Variants in NDFIP2 observed in about 807,000 individuals in gnomAD.
The protein encoded by NDFIP2 is NEDD4 family-interacting protein 2.
Under a neutral mutation model 36.0 loss-of-function variants are expected in NDFIP2, and 19 were observed. The observed-to-expected ratio is 0.53, with a 90% confidence interval of 0.37 to 0.77. NDFIP2 has a LOEUF of 0.77. NDFIP2 is among the 30% of genes least tolerant of loss of function. NDFIP2 has a pLI of 0.00. For missense variants in NDFIP2, 446 were observed against 435.8 expected (o/e 1.02, Z -0.21); for synonymous variants, 181 against 167.7 (o/e 1.08, Z -0.61).
intron 1 of NDFIP2, among the ~76,000 whole-genome samples, chr13:79,516,696 C>T (rs772901928): frequency 6.6e-6 from 1 of 152,054 alleles, no homozygotes; most frequent in African/African-American, 2.4e-5. Context: ...TCCTGTAGGT[C>T]TAACCTACAT....
At chr13:79,537,660 T>G (rs546432818) in intron 3 of NDFIP2, among the ~76,000 whole-genome samples, 128 of 152,332 alleles carry the variant, frequency 8.4e-4, no homozygotes, top group African/African-American at 2.6e-3. Flanking sequence ...TTTGAAAGTT[T>G]TTTTATTTCA....
rs1875970345 is a variant in NDFIP2 at position 79,553,174 on chromosome 13, A to G, written c.*661A>G. The stretch of plus-strand genomic sequence containing the variant: ...TCACTAATTTTAAATTAAGTGAACT[A>G]AATATATATGTGTATATGTATACAC... On this transcript the variant is annotated 3_prime_UTR_variant, in exon 8 of 8. Transcript: ENST00000218652. The G allele has an allele frequency of 6.6e-6, 1 of 151,456 alleles. No homozygotes were observed. Among genetic ancestry groups the G allele is most frequent in the African/African-American group, 2.4e-5 (1 of 41,378 alleles). 9.4% of individuals were successfully genotyped at this position (151,456 alleles called of 1,614,324 possible). A position where few individuals can be genotyped will look rare whatever the true frequency, so the allele number is the denominator to read the frequency against.
chr13:79,550,217 A>G (rs1183108087), intron 6 of NDFIP2, among the ~76,000 whole-genome samples: 2 of 151,764 alleles, frequency 1.3e-5, no homozygotes, highest in Non-Finnish European at 3.0e-5. Flanking sequence ...AGTAATGGTA[A>G]TGTTTTATAC....
rs1263194432 is a variant in NDFIP2, at chr13:79,543,619, T to G, written c.777T>G (p.Ala259=). 3.1e-6 allele frequency: 5 copies of G among 1,614,048 alleles called. No individual in the cohort carries two copies. In the Admixed American group the frequency reaches 8.3e-5, roughly 27 times the overall value. Residue 259 remains alanine (A), a synonymous_variant, in exon 5 of 8, where the codon GCT becomes GCG. Coordinates refer to ENST00000218652, the MANE Select transcript of NDFIP2 (RefSeq NM_019080.3). ...CCTTCTGTATCACCAATACCATAGC[T>G]GGAAGGTATGGTGCTATCTGCGGAT... ...CLSFCITNTI[A]GRYGAICGFG...
At chr13:79,539,805 T>G in intron 4 of NDFIP2, 30 bp downstream of exon 4, 1 of 1,584,590 alleles carries the variant, frequency 6.3e-7, no homozygotes, top group Non-Finnish European at 8.7e-7. Context: ...TATTTTGGGT[T>G]GTTTTTATGA....
At chr13:79,545,550 A>C (rs955031458) in intron 5 of NDFIP2, among the ~76,000 whole-genome samples, 3 of 152,226 alleles carry the variant, frequency 2.0e-5, no homozygotes, top group African/African-American at 7.2e-5. Flanking sequence ...AAAGGACTTA[A>C]AAAAATCTTT....
At chr13:79,506,083 C>T (rs1198256163) in intron 1 of NDFIP2, among the ~76,000 whole-genome samples, 1 of 152,084 alleles carries the variant, frequency 6.6e-6, no homozygotes, top group African/African-American at 2.4e-5. Context: ...TTCCTTTAAG[C>T]ACAGATGGAA....
At chr13:79,517,138 C>G (rs1303597182) in intron 1 of NDFIP2, among the ~76,000 whole-genome samples, 1 of 152,086 alleles carries the variant, frequency 6.6e-6, no homozygotes, top group Non-Finnish European at 1.5e-5. Flanking sequence ...GGTTCATTCA[C>G]TATACAACTT....
chr13:79,505,119 A>G (rs1873810108), intron 1 of NDFIP2, among the ~76,000 whole-genome samples: 1 of 152,198 alleles, frequency 6.6e-6, no homozygotes. Flanking sequence ...ACACTTACAC[A>G]TGGGGCATCA....
intron 1 of NDFIP2, among the ~76,000 whole-genome samples, chr13:79,489,123 T>C (rs368942638): frequency 3.9e-5 from 6 of 152,204 alleles, no homozygotes; most frequent in African/African-American, 1.4e-4. Context: ...TTATTTTCTT[T>C]TAAGATTCCA....
intron 1 of NDFIP2, among the ~76,000 whole-genome samples, chr13:79,496,906 TC>T (rs758148852): frequency 6.6e-5 from 10 of 152,040 alleles, no homozygotes; most frequent in Non-Finnish European, 1.0e-4. Flanking sequence ...CTGCTGAGAT[TC>T]CCTGTCTTTT....
At chr13:79,508,026 G>A (rs1047415789) in intron 1 of NDFIP2, among the ~76,000 whole-genome samples, 3 of 151,928 alleles carry the variant, frequency 2.0e-5, no homozygotes, top group Non-Finnish European at 4.4e-5. Flanking sequence ...ATTTGTTTTA[G>A]TATTCTGTTT....
chr13:79,522,067 A>T (rs896102655), intron 2 of NDFIP2, among the ~76,000 whole-genome samples: 1 of 152,086 alleles, frequency 6.6e-6, no homozygotes, highest in African/African-American at 2.4e-5. Context: ...TGACCTCGTG[A>T]TCCACCTGCC....
At chr13:79,507,003 T>A (rs1022437628) in intron 1 of NDFIP2, among the ~76,000 whole-genome samples, 6 of 152,098 alleles carry the variant, frequency 3.9e-5, no homozygotes, top group African/African-American at 1.4e-4. Flanking sequence ...TAAAACTGCA[T>A]GTTTAAAATT....
At chr13:79,534,567 A>C (rs1875157629) in intron 3 of NDFIP2, among the ~76,000 whole-genome samples, 1 of 152,134 alleles carries the variant, frequency 6.6e-6, no homozygotes, top group African/African-American at 2.4e-5. Context: ...AAGAGGCAGA[A>C]ATTATTTACA....
intron 1 of NDFIP2, among the ~76,000 whole-genome samples, chr13:79,514,409 T>G (rs1327108552): frequency 6.6e-6 from 1 of 152,184 alleles, no homozygotes; most frequent in Non-Finnish European, 1.5e-5. Flanking sequence ...AAGACAGACA[T>G]AACCTCCACT....
intron 3 of NDFIP2, among the ~76,000 whole-genome samples, chr13:79,534,173 C>T (rs544119044): frequency 1.2e-4 from 18 of 152,140 alleles, no homozygotes; most frequent in Non-Finnish European, 2.4e-4. Context: ...TGTCCATGTA[C>T]TTATTTATCT....
intron 1 of NDFIP2, among the ~76,000 whole-genome samples, chr13:79,496,466 A>G (rs996102551): frequency 1.3e-5 from 2 of 151,940 alleles, no homozygotes; most frequent in African/African-American, 4.8e-5. Flanking sequence ...GGCTGCATCT[A>G]GTAACTTCTG....
chr13:79,552,779 G>A lies in NDFIP2; in HGVS notation c.*266G>A, dbSNP rs914215828. ...TATACTTGATAGAAACCATAAAGTT[G>A]TAGCAGTTAAGTCCAGTCACATTTG... On this transcript the variant is annotated 3_prime_UTR_variant, in exon 8 of 8. Coordinates refer to ENST00000218652, the MANE Select transcript of NDFIP2 (RefSeq NM_019080.3). The A allele has an allele frequency of 2.6e-5, 4 of 151,894 alleles. No homozygotes were observed. Among genetic ancestry groups the A allele is most frequent in the African/African-American group, 9.7e-5 (4 of 41,386 alleles). 9.4% of individuals were successfully genotyped at this position (151,894 alleles called of 1,614,324 possible).
Sources: gnomAD v4.1 joint callset for allele counts (sites outside exome capture counted in the v4.1 genomes callset) on GRCh38, gnomAD v4.1.1 for gene constraint, MANE v1.5 for transcripts, NCBI Gene and HGNC (gene_info 2026-07-23, HGNC 2026-07-21) for gene names.